The following TENM2 variants were observed in gnomAD, a reference collection of about 807,000 sequenced individuals.
TENM2 encodes the protein teneurin-2.
TENM2 carries 52 observed loss-of-function variants against 245.2 expected under a neutral mutation model. The observed-to-expected ratio is 0.21, with a 90% CI of 0.17 to 0.27. The LOEUF (loss-of-function observed/expected upper bound fraction) is 0.27. Ranked by LOEUF, TENM2 falls within the 10% of genes least tolerant of loss-of-function variation. The pLI, the probability that TENM2 is intolerant of heterozygous loss-of-function variation, is 1.00. For synonymous variants in TENM2, 1,363 were observed against 1,438.9 expected, an observed-to-expected ratio of 0.95 and a Z score of 1.19; for missense variants, 3,046 against 3,666.8, an observed-to-expected ratio of 0.83 and a Z score of 4.37.
the TENM2 span, among the ~76,000 whole-genome samples, chr5:167,100,868 C>T: frequency 1.1e-3 from 166 of 152,192 alleles, 2 homozygotes; most frequent in Middle Eastern, 3.4e-3. Context: ...AAATAGAACA[C>T]GATCTAAATA....
the TENM2 span, among the ~76,000 whole-genome samples, chr5:167,261,959 C>T: frequency 2.6e-5 from 4 of 152,306 alleles, no homozygotes; most frequent in African/African-American, 7.2e-5. Context: ...CACCAGGCTC[C>T]AAGGCTCATG....
intron 2 of TENM2, among the ~76,000 whole-genome samples, chr5:167,460,678 A>G (rs367728713): frequency 2.6e-5 from 4 of 151,928 alleles, no homozygotes; most frequent in African/African-American, 9.7e-5. Flanking sequence ...TTTCAGCTGT[A>G]TAACTAAAAA....
chr5:167,037,976 G>C, the TENM2 span, among the ~76,000 whole-genome samples: 1 of 152,304 alleles, frequency 6.6e-6, no homozygotes, highest in African/African-American at 2.4e-5. Context: ...GCATTCCACT[G>C]AAGGAAACGA....
intron 2 of TENM2, among the ~76,000 whole-genome samples, chr5:167,640,880 T>TATATATATATATCC (rs2150248852): frequency 1.6e-5 from 1 of 62,946 alleles, no homozygotes; most frequent in African/African-American, 1.2e-4. Context: ...TATATATATA[T>TATATATATATATCC]ATATATATAT....
chr5:167,462,186 C>G lies in TENM2; in HGVS notation c.502+86713C>G, dbSNP rs1015891440. Among the ~76,000 whole-genome samples the G allele has an allele frequency of 7.9e-5, 10 of 127,034 alleles. 2 individuals are homozygous for G. The highest frequency in any genetic ancestry group is 1.7e-4 in the Non-Finnish European group (10 of 58,902). 83.3% of individuals were successfully genotyped at this position (127,034 alleles called of 152,430 possible). ...GGGAGAGTTCCCTGACCCCCACCCCCCCCCCCCATTGCAGGACATGCAACA... is the reference window on the plus strand; with the variant it reads ...GGGAGAGTTCCCTGACCCCCACCCCGCCCCCCCATTGCAGGACATGCAACA... On this transcript the variant is annotated intron_variant, in intron 2 of 28. Transcript: ENST00000518659.
intron 2 of TENM2, among the ~76,000 whole-genome samples, chr5:167,462,088 T>C (rs1357447324): frequency 6.6e-6 from 1 of 151,302 alleles, no homozygotes; most frequent in African/African-American, 2.4e-5. Context: ...CATACATACA[T>C]ACATGCATAC....
chr5:167,334,523 A>G (rs1232311887), intron 1 of TENM2, among the ~76,000 whole-genome samples: 2 of 152,184 alleles, frequency 1.3e-5, no homozygotes, highest in Non-Finnish European at 2.9e-5. Context: ...TAGGTAGACA[A>G]TGTACTTGCT....
At chr5:167,774,845 A>G (rs1184638528) in intron 2 of TENM2, among the ~76,000 whole-genome samples, 1 of 152,172 alleles carries the variant, frequency 6.6e-6, no homozygotes, top group Non-Finnish European at 1.5e-5. Flanking sequence ...CTCAAAACAT[A>G]TCCTTAAAAC....
chr5:167,684,956 A>G (rs1316270794), intron 2 of TENM2, among the ~76,000 whole-genome samples: 2 of 152,190 alleles, frequency 1.3e-5, no homozygotes, highest in African/African-American at 4.8e-5. Context: ...GAACTCACAT[A>G]AGATCTTATG....
At chr5:167,655,092 G>A in intron 2 of TENM2, among the ~76,000 whole-genome samples, 1 of 152,116 alleles carries the variant, frequency 6.6e-6, no homozygotes, top group East Asian at 1.9e-4. Context: ...GCCACATCTT[G>A]TTTGCGCTAG....
rs977334134 is a variant in TENM2, at chr5:168,244,842, T to C, written c.5817+126T>C. ...TGGAGTGCAGTGGCATGATCTCGGC[T>C]CACTGCAACCTCTGCCTCCCAGGTT... On this transcript the variant is annotated intron_variant, in intron 26 of 28. Transcript: ENST00000518659. This position sits in a 1 kb window ranked among gnomAD's most constrained non-coding sequence, Gnocchi z 4.9. 1.3e-4 allele frequency: 93 copies of C among 714,194 alleles called. No individual in the cohort carries two copies. The highest frequency in any genetic ancestry group is 1.8e-4 in the Non-Finnish European group (89 of 507,826). The allele number at this position is 714,194 out of a possible 1,614,324, so 44.2% of individuals were successfully genotyped here. A position where few individuals can be genotyped will look rare whatever the true frequency, so the allele number is the denominator to read the frequency against.
intron 1 of TENM2, among the ~76,000 whole-genome samples, chr5:167,318,826 T>C (rs371924368): frequency 3.3e-5 from 5 of 152,214 alleles, no homozygotes; most frequent in Admixed American, 6.5e-5. Flanking sequence ...ACAAGTGGAA[T>C]CTGTGCATGT....
intron 5 of TENM2, among the ~76,000 whole-genome samples, chr5:168,022,458 A>G (rs1217410517): frequency 6.6e-6 from 1 of 152,220 alleles, no homozygotes; most frequent in African/African-American, 2.4e-5. Flanking sequence ...AGAGCAGGTT[A>G]TGTTTTCATT....
intron 2 of TENM2, among the ~76,000 whole-genome samples, chr5:167,869,783 G>C (rs960877199): frequency 6.6e-6 from 1 of 152,010 alleles, no homozygotes; most frequent in Non-Finnish European, 1.5e-5. Context: ...TGAAAAACCC[G>C]ATGCACTTTC....
At chr5:167,068,577 G>A in the TENM2 span, among the ~76,000 whole-genome samples, 21 of 152,286 alleles carry the variant, frequency 1.4e-4, no homozygotes, top group Admixed American at 2.6e-4. Flanking sequence ...GATCTGGTAT[G>A]TAATTTACAC....
At chr5:167,584,857 G>A (rs533611822) in intron 2 of TENM2, among the ~76,000 whole-genome samples, 3 of 150,988 alleles carry the variant, frequency 2.0e-5, no homozygotes, top group Admixed American at 6.6e-5. Context: ...ACCACGCCCG[G>A]CTAATTTTTA....
chr5:168,075,137 C>T (rs1255723232), intron 7 of TENM2, among the ~76,000 whole-genome samples: 4 of 152,098 alleles, frequency 2.6e-5, no homozygotes, highest in Admixed American at 6.6e-5. Flanking sequence ...ATTCTTATGC[C>T]TTTGTGTCCT....
At chr5:168,197,502 C>T (rs1761545125) in intron 15 of TENM2, among the ~76,000 whole-genome samples, 1 of 152,042 alleles carries the variant, frequency 6.6e-6, no homozygotes, top group Non-Finnish European at 1.5e-5. Context: ...AGATGGAGAC[C>T]ATCCTGGTTA....
rs567416400 is a variant in TENM2 at position 168,047,671 on chromosome 5, G to A, written c.1309+122G>A. 1.9e-5 allele frequency: 23 copies of A among 1,228,268 alleles called. No individual in the cohort carries two copies. In the African/African-American group the frequency reaches 3.4e-4, roughly 18 times the overall value. The allele number at this position is 1,228,268 out of a possible 1,614,324, so 76.1% of individuals were successfully genotyped here. A position where few individuals can be genotyped will look rare whatever the true frequency, so the allele number is the denominator to read the frequency against. On this transcript the variant is annotated intron_variant, in intron 6 of 28. Transcript: ENST00000518659. Reference sequence around the variant, plus strand: ...ATGCCAAAAGAAAAAGAAACGGGGGGAAAAATCATTGCCTTTCATAGGTGC... The same window carrying A: ...ATGCCAAAAGAAAAAGAAACGGGGGAAAAAATCATTGCCTTTCATAGGTGC...
Sources: gnomAD v4.1 joint callset for allele counts (sites outside exome capture counted in the v4.1 genomes callset) on GRCh38, gnomAD v4.1.1 for gene constraint, Gnocchi (gnomAD v3.1) non-coding constraint, MANE v1.5 for transcripts, NCBI Gene and HGNC (gene_info 2026-07-23, HGNC 2026-07-21) for gene names.